FHAD1: variants seen among roughly 807,000 people sequenced by gnomAD.
FHAD1 encodes the protein forkhead-associated domain-containing protein 1.
A neutral mutation model predicts 191.3 loss-of-function variants in FHAD1; 146 were observed. The ratio of observed to expected loss-of-function variants is 0.76; its 90% confidence interval spans 0.67 to 0.88. The LOEUF is 0.88. Ranked by LOEUF, FHAD1 falls within the 40% of genes least tolerant of loss-of-function variation. The probability of loss-of-function intolerance (pLI) is 0.00; values close to 1 mark genes in which losing one functional copy is unlikely to be tolerated. For missense variants in FHAD1, 1,635 were observed against 1,785.8 expected (o/e 0.92, Z 1.52); for synonymous variants, 616 against 672.3 (o/e 0.92, Z 1.29).
rs1396255331 is a variant in FHAD1 at position 15,293,538 on chromosome 1, T to A, written c.569-3146T>A. 6.6e-5 allele frequency among the ~76,000 whole-genome samples: 10 copies of A among 152,078 alleles called. No individual in the cohort carries two copies. The East Asian group carries it at 1.4e-3, about 21-fold the overall frequency. ...TCTGAGACCAGCCTGACTAACATGG[T>A]GAAACCCCATCTCTACTAAAAATAC... On this transcript the variant is annotated intron_variant, in intron 4 of 33. Transcript: ENST00000688493.
At chr1:15,238,741 A>G (rs1040584342) in intron 1 of FHAD1, among the ~76,000 whole-genome samples, 9 of 152,154 alleles carry the variant, frequency 5.9e-5, no homozygotes, top group Non-Finnish European at 8.8e-5. Context: ...GTCCAATCAA[A>G]GAGGCTCTTA....
downstream of FHAD1, among the ~76,000 whole-genome samples, chr1:15,401,928 T>C (rs1250958470): frequency 1.6e-4 from 25 of 152,240 alleles, no homozygotes; most frequent in Admixed American, 1.6e-3. Flanking sequence ...CTTTTGTTTT[T>C]AAACATTTTT....
chr1:15,326,126 G>C (rs1678483294), intron 11 of FHAD1: 1 of 152,334 alleles, frequency 6.6e-6, no homozygotes, highest in African/African-American at 2.4e-5. Flanking sequence ...ATGTCCGTAA[G>C]ACGTTTCCCA....
At chr1:15,250,972 GA>G (rs1472956163) in intron 1 of FHAD1, among the ~76,000 whole-genome samples, 2 of 152,168 alleles carry the variant, frequency 1.3e-5, no homozygotes, top group African/African-American at 4.8e-5. Flanking sequence ...CACCATTCTA[GA>G]TACCTCACGT....
chr1:15,305,760 T>C (rs757393605), intron 6 of FHAD1: 3 of 448,966 alleles, frequency 6.7e-6, no homozygotes, highest in Admixed American at 2.4e-5. Context: ...GCCGCCGCCA[T>C]GTAAGAAGTG....
chr1:15,365,719 G>A, intron 23 of FHAD1, 108 bp from the exon 24 acceptor site: 1 of 659,906 alleles, frequency 1.5e-6, no homozygotes, highest in Non-Finnish European at 2.7e-6. Flanking sequence ...GGCGTTGCAT[G>A]GACCGTGATT....
At chr1:15,402,892 T>C (rs1707157353), downstream of FHAD1, 1 of 152,232 alleles carries the variant, frequency 6.6e-6, no homozygotes, top group African/African-American at 2.4e-5. Context: ...TCCTTTCTTC[T>C]GTAAAGGACT....
At position 15,365,565 on chromosome 1, in the gene FHAD1, C is replaced by A. The variant is rs1284521472; in HGVS notation, c.3048-262C>A. Among the ~76,000 whole-genome samples the A allele has an allele frequency of 2.7e-5, 4 of 147,940 alleles. No homozygotes were observed. The South Asian group carries it at 8.6e-4, about 32-fold the overall frequency. ...CTCGAACTCCTGAGCTCAAGTAATT[C>A]TCCAGCCTTGGCCTCCCAAAGTGCT... is the stretch of plus-strand genomic sequence containing the variant. On this transcript the variant is annotated intron_variant, in intron 23 of 33. Coordinates refer to ENST00000688493, the MANE Select transcript of FHAD1 (RefSeq NM_001391957.1).
intron 3 of FHAD1, among the ~76,000 whole-genome samples, chr1:15,273,335 C>A (rs1209546177): frequency 6.6e-6 from 1 of 151,956 alleles, no homozygotes; most frequent in Non-Finnish European, 1.5e-5. Flanking sequence ...TTTTAAAATG[C>A]AGCTTTATTG....
At chr1:15,342,662 G>A (rs375448933) in intron 16 of FHAD1, among the ~76,000 whole-genome samples, 17 of 152,168 alleles carry the variant, frequency 1.1e-4, no homozygotes, top group African/African-American at 4.1e-4. Context: ...TCCTAGAGTT[G>A]GCCCTTTTTT....
At chr1:15,309,604 G>C (rs2101074799) in intron 7 of FHAD1, among the ~76,000 whole-genome samples, 1 of 152,252 alleles carries the variant, frequency 6.6e-6, no homozygotes, top group African/African-American at 2.4e-5. Flanking sequence ...TATGGCCCAG[G>C]ACAGCTTTGA....
intron 19 of FHAD1, 118 bp downstream of exon 19, chr1:15,349,267 A>T: frequency 4.0e-6 from 3 of 759,138 alleles, no homozygotes; most frequent in Non-Finnish European, 6.5e-6. Flanking sequence ...AGTGGCCAAG[A>T]TCTGCCGTTT....
intron 20 of FHAD1, 45 bp from the exon 21 acceptor site, chr1:15,358,065 G>A (rs1472113056): frequency 3.7e-6 from 5 of 1,369,136 alleles, no homozygotes; most frequent in Middle Eastern, 1.9e-4. Flanking sequence ...GGGTAAATAT[G>A]TATTCCTGAA....
rs577436603 is a variant in FHAD1, at chr1:15,294,209, T to C, written c.569-2475T>C. Among the ~76,000 whole-genome samples the C allele has an allele frequency of 6.6e-5, 10 of 152,342 alleles. 1 individual carries two copies. The East Asian group carries it at 1.9e-3, about 29-fold the overall frequency. ...AGTTTTGAGGAATCTGAGGAAGCCC[T>C]TTCCTCTCTTAACAAGGCTGGACTC... On this transcript the variant is annotated intron_variant, in intron 4 of 33. Transcript: ENST00000688493.
chr1:15,379,201 G>A (rs1472690470), intron 28 of FHAD1, among the ~76,000 whole-genome samples: 4 of 152,192 alleles, frequency 2.6e-5, no homozygotes, highest in Admixed American at 6.5e-5. Flanking sequence ...TTGATCATTC[G>A]TGGGTGTTTC....
At chr1:15,290,195 A>G (rs1664076389) in intron 4 of FHAD1, among the ~76,000 whole-genome samples, 1 of 152,182 alleles carries the variant, frequency 6.6e-6, no homozygotes, top group African/African-American at 2.4e-5. Context: ...GCTCGGTGAC[A>G]GCCCACTCAC....
upstream of FHAD1, among the ~76,000 whole-genome samples, chr1:15,245,286 T>C (rs1021186001): frequency 6.6e-6 from 1 of 152,052 alleles, no homozygotes; most frequent in East Asian, 1.9e-4. Context: ...AGTGTTGAGG[T>C]TTTTATTTTG....
intron 16 of FHAD1, among the ~76,000 whole-genome samples, chr1:15,342,808 T>C (rs1687279406): frequency 1.3e-5 from 2 of 150,342 alleles, no homozygotes; most frequent in African/African-American, 4.9e-5. Context: ...CACAGGCATA[T>C]GGCACTACAC....
At chr1:15,346,401 C>T (rs1035243869) in intron 18 of FHAD1, among the ~76,000 whole-genome samples, 8 of 152,276 alleles carry the variant, frequency 5.3e-5, no homozygotes, top group Admixed American at 1.3e-4. Context: ...GAAGCCTTAC[C>T]GGGTAGCAGC....
Sources: allele counts gnomAD v4.1 joint callset (sites outside exome capture counted in the v4.1 genomes callset), GRCh38; gene constraint gnomAD v4.1.1; transcripts MANE v1.5; gene names NCBI Gene and HGNC (gene_info 2026-07-23, HGNC 2026-07-21).